The following BANP variants were observed in gnomAD, a reference collection of about 807,000 sequenced individuals.
BANP encodes BTG3 associated nuclear protein.
In BANP, 11 loss-of-function variants were observed where a neutral mutation model predicts 68.1. The ratio of observed to expected loss-of-function variants is 0.16; its 90% CI spans 0.10 to 0.27. BANP has a LOEUF of 0.27. Among genes scored for constraint, BANP ranks in the 10% least tolerant of loss-of-function variants. The pLI is 1.00. For missense variants in BANP, 504 were observed against 722.7 expected (o/e 0.70, Z 3.47); for synonymous variants, 329 against 303.2 (o/e 1.09, Z -0.88).
At chr16:88,006,594 C>T (rs754714969) in intron 6 of BANP, among the ~76,000 whole-genome samples, 40 of 140,964 alleles carry the variant, frequency 2.8e-4, no homozygotes, top group Non-Finnish European at 4.9e-4. Context: ...TGCGGTGAAC[C>T]GAGATCATGC....
intron 4 of BANP, among the ~76,000 whole-genome samples, chr16:87,984,887 A>C (rs2064003835): frequency 6.6e-6 from 1 of 152,200 alleles, no homozygotes; most frequent in Non-Finnish European, 1.5e-5. Flanking sequence ...GCCAGAAAGA[A>C]GTCCTGCTTG....
Position 88,071,518 on chromosome 16 carries a change from C to G in BANP, c.1378-551C>G, listed in dbSNP as rs763548857. 1 of 456,386 alleles carries G rather than the reference C, an allele frequency of 2.2e-6. No homozygotes were observed. Among genetic ancestry groups the G allele is most frequent in the Non-Finnish European group, 4.4e-6 (1 of 226,894 alleles). 28.3% of individuals were successfully genotyped at this position (456,386 alleles called of 1,614,324 possible). A position where few individuals can be genotyped will look rare whatever the true frequency, so the allele number is the denominator to read the frequency against. On this transcript the variant is annotated intron_variant, in intron 12 of 13. Coordinates refer to ENST00000682872, the MANE Select transcript of BANP (RefSeq NM_001386991.1). This position sits in a 1 kb window ranked among gnomAD's most constrained non-coding sequence, Gnocchi z 6.5. ...GCCACCAGGACTCACTTCCGCCCAT[C>G]TTGGAACTGGGCCTCACTTTCCTGC... is the stretch of plus-strand genomic sequence containing the variant.
chr16:88,015,996 C>A (rs1257357955), intron 6 of BANP, among the ~76,000 whole-genome samples: 2 of 152,214 alleles, frequency 1.3e-5, no homozygotes, highest in African/African-American at 4.8e-5. Context: ...TGCAGTGGGA[C>A]AGTTCCCATT....
intron 6 of BANP, among the ~76,000 whole-genome samples, chr16:88,006,473 C>G (rs538661821): frequency 6.0e-5 from 9 of 151,092 alleles, no homozygotes; most frequent in African/African-American, 2.2e-4. Flanking sequence ...ATGGAGAAAC[C>G]CTGTCTCTAC....
Position 88,072,205 on chromosome 16 carries a change from G to C in BANP, c.1514G>C (p.Gly505Ala), listed in dbSNP as rs991259125. The change falls in exon 13 of 14, where the codon GGG becomes GCG. Residue 505 changes from glycine to alanine, a missense_variant. Physicochemically the swap from Gly to Ala is moderately conservative, Grantham distance 60. Coordinates refer to ENST00000682872, the MANE Select transcript of BANP (RefSeq NM_001386991.1). The part of the protein sequence containing the change: ...QLAPVSDHTA[G>A]AQTAEALQPT... The stretch of plus-strand genomic sequence containing the variant: ...GCGCCAGTGAGTGACCACACGGCCG[G>C]GGCACAGGTGAGTCTGGGGCCCCGC... 1 of 1,609,546 alleles carries C rather than the reference G, an allele frequency of 6.2e-7. No homozygotes were observed. Among genetic ancestry groups the C allele is most frequent in the African/African-American group, 1.3e-5 (1 of 74,866 alleles).
At chr16:88,040,343 C>T (rs1485042019) in intron 11 of BANP, among the ~76,000 whole-genome samples, 1 of 152,002 alleles carries the variant, frequency 6.6e-6, no homozygotes, top group Non-Finnish European at 1.5e-5. Context: ...CCGGGCTGGC[C>T]ACACGTTTGG....
At chr16:88,076,109 C>T (rs1416331540) in intron 13 of BANP, among the ~76,000 whole-genome samples, 1 of 152,218 alleles carries the variant, frequency 6.6e-6, no homozygotes, top group African/African-American at 2.4e-5. Context: ...ATATCTGTAA[C>T]TCGTTGACCA....
chr16:87,975,039 G>T lies in BANP; in HGVS notation c.-68-9G>T, dbSNP rs532238713. On this transcript the variant is annotated splice_polypyrimidine_tract_variant and intron_variant, in intron 1 of 13. Transcript: ENST00000682872. ...TGTCCTCTCCTCCTCCTTTGCTTCT[G>T]TTTGGTAGGTGACCAAAAGCCAGCC... The T allele has an allele frequency of 1.1e-4, 143 of 1,270,742 alleles. 1 individual carries two copies. In the South Asian group the frequency reaches 1.5e-3, roughly 13 times the overall value. 78.7% of individuals were successfully genotyped at this position (1,270,742 alleles called of 1,614,324 possible).
chr16:88,027,458 C>G, intron 7 of BANP, 25 bp from the exon 8 acceptor site: 1 of 1,612,328 alleles, frequency 6.2e-7, no homozygotes, highest in African/African-American at 1.3e-5. Context: ...GGCCTCACCG[C>G]TTCTCCTTGG....
intron 2 of BANP, among the ~76,000 whole-genome samples, chr16:87,980,231 A>G (rs1460111285): frequency 1.3e-5 from 2 of 152,246 alleles, no homozygotes; most frequent in African/African-American, 2.4e-5. Flanking sequence ...TATAACTGCA[A>G]ATGTGTAAAT....
At position 87,958,040 on chromosome 16, in the gene BANP, T is replaced by C. The variant is rs1282804006; in HGVS notation, c.-69+6525T>C. On this transcript the variant is annotated intron_variant, in intron 1 of 13. Coordinates refer to ENST00000682872, the MANE Select transcript of BANP (RefSeq NM_001386991.1). The stretch of plus-strand genomic sequence containing the variant: ...CCCTAAGTGTTTTTAGAAGGCTGGG[T>C]GCCCTGTTTCCCAGCCAACAGTTGT... 2.0e-5 allele frequency among the ~76,000 whole-genome samples: 3 copies of C among 152,164 alleles called. No individual in the cohort carries two copies. In the East Asian group the frequency reaches 5.8e-4, roughly 29 times the overall value.
At chr16:87,968,428 G>A (rs1402547601) in intron 1 of BANP, among the ~76,000 whole-genome samples, 1 of 148,820 alleles carries the variant, frequency 6.7e-6, no homozygotes, top group Non-Finnish European at 1.5e-5. Context: ...AGGTTGCGGT[G>A]AGCTGAGATC....
intron 1 of BANP, among the ~76,000 whole-genome samples, chr16:87,969,418 A>C (rs1322870760): frequency 1.3e-5 from 2 of 152,052 alleles, no homozygotes; most frequent in African/African-American, 4.8e-5. Flanking sequence ...CGCAACAGCC[A>C]TGTTTTCTGA....
chr16:88,028,111 T>TG (rs929409747), intron 8 of BANP, among the ~76,000 whole-genome samples: 14 of 152,370 alleles, frequency 9.2e-5, no homozygotes, highest in Admixed American at 7.2e-4. Context: ...CAGGCATCGC[T>TG]GGGGGGATTG....
chr16:87,959,416 G>A (rs1341463037), intron 1 of BANP, among the ~76,000 whole-genome samples: 1 of 152,266 alleles, frequency 6.6e-6, no homozygotes, highest in Non-Finnish European at 1.5e-5. Context: ...GCCCTGGGAA[G>A]GAATAAGACG....
intron 2 of BANP, among the ~76,000 whole-genome samples, chr16:87,977,374 G>A (rs1217438269): frequency 2.3e-4 from 34 of 151,084 alleles, no homozygotes; most frequent in African/African-American, 8.2e-4. Context: ...AGCTGAGATC[G>A]CGCCACTGCA....
intron 13 of BANP, among the ~76,000 whole-genome samples, chr16:88,075,095 C>G (rs950742427): frequency 4.6e-5 from 7 of 152,136 alleles, no homozygotes; most frequent in Non-Finnish European, 7.3e-5. Context: ...CCTGTAATCC[C>G]AGCATTTTGG....
At chr16:88,045,898 C>T (rs2081918278) in intron 11 of BANP, among the ~76,000 whole-genome samples, 3 of 152,228 alleles carry the variant, frequency 2.0e-5, no homozygotes, top group African/African-American at 7.2e-5. Context: ...GTGCCCTCTT[C>T]ACTGCAGTGG....
At chr16:87,958,619 C>T (rs1026504519) in intron 1 of BANP, among the ~76,000 whole-genome samples, 6 of 152,134 alleles carry the variant, frequency 3.9e-5, no homozygotes, top group East Asian at 1.9e-4. Context: ...CACTCGAGCC[C>T]GGGAATTGGA....
Sources: gnomAD v4.1 joint callset for allele counts (sites outside exome capture counted in the v4.1 genomes callset) on GRCh38, gnomAD v4.1.1 for gene constraint, Gnocchi (gnomAD v3.1) non-coding constraint, MANE v1.5 for transcripts, NCBI Gene and HGNC (gene_info 2026-07-23, HGNC 2026-07-21) for gene names.